Variants in GOLGA7B observed in about 807,000 individuals in gnomAD.
GOLGA7B encodes golgin subfamily A member 7B.
In GOLGA7B, 17 loss-of-function variants were observed where a neutral mutation model predicts 21.5. The observed-to-expected ratio is 0.79, with a 90% CI of 0.54 to 1.19. The LOEUF is 1.19. Among genes scored for constraint, GOLGA7B ranks in the 50% most tolerant of loss-of-function variants. GOLGA7B has a pLI of 0.00. For synonymous variants in GOLGA7B, 87 were observed against 84.0 expected (o/e 1.04, Z -0.19); for missense variants, 169 against 224.4 (o/e 0.75, Z 1.58).
intron 1 of GOLGA7B, 61 bp downstream of exon 1, chr10:97,850,376 G>A: frequency 9.6e-6 from 14 of 1,457,710 alleles, no homozygotes; most frequent in Non-Finnish European, 1.3e-5. Flanking sequence ...AATGCCCTAG[G>A]GGTGGGCTGG....
At chr10:97,859,239 ATC>A (rs2049955348) in intron 1 of GOLGA7B, among the ~76,000 whole-genome samples, 1 of 152,140 alleles carries the variant, frequency 6.6e-6, no homozygotes, top group Non-Finnish European at 1.5e-5. Context: ...CTTTTAAAAG[ATC>A]TCTCTGGGAT....
Position 97,869,741 on chromosome 10 carries a change from A to G in GOLGA7B, c.*4041A>G, listed in dbSNP as rs1168364224. On this transcript the variant is annotated 3_prime_UTR_variant, in exon 5 of 5. Transcript: ENST00000370602. Reference sequence around the variant, plus strand: ...CCGGTTGGCAGCCACTGCCACCCGCAGGGACTTTTCTGTGGCTTCCAGAGG... The same window carrying G: ...CCGGTTGGCAGCCACTGCCACCCGCGGGGACTTTTCTGTGGCTTCCAGAGG... The G allele has an allele frequency of 6.6e-6, 1 of 152,310 alleles. No individual in the cohort carries two copies. Among genetic ancestry groups the G allele is most frequent in the African/African-American group, 2.4e-5 (1 of 41,468 alleles). The allele number at this position is 152,310 out of a possible 1,614,324, so 9.4% of individuals were successfully genotyped here.
Position 97,859,309 on chromosome 10 carries a change from G to A in GOLGA7B, c.13-149G>A, listed in dbSNP as rs116185494. 80 of 705,116 alleles carry A rather than the reference G, an allele frequency of 1.1e-4. No homozygotes were observed. In the African/African-American group the frequency reaches 1.4e-3, roughly 12 times the overall value. 43.7% of individuals were successfully genotyped at this position (705,116 alleles called of 1,614,324 possible). On this transcript the variant is annotated intron_variant, in intron 1 of 4. Transcript: ENST00000370602. ...GCCCTGCCTCCCTTGGCCTCTTGGA[G>A]CACCTGTAGAGTGCCCAGCTTGTCT...
rs1048452043 is a variant in GOLGA7B, at chr10:97,865,582, G to C, written c.394-8G>C. ...GGGCTCGCAGCTCTCCTTAACCACC[G>C]ACCCCAGATTGAGATCTCCATCTAC... On this transcript the variant is annotated splice_polypyrimidine_tract_variant and splice_region_variant and intron_variant, in intron 4 of 4. Coordinates refer to ENST00000370602, the MANE Select transcript of GOLGA7B (RefSeq NM_001010917.3). 2 of 1,612,556 alleles carry C rather than the reference G, an allele frequency of 1.2e-6. No individual in the cohort carries two copies. Among genetic ancestry groups the C allele is most frequent in the African/African-American group, 2.7e-5 (2 of 74,890 alleles).
rs141452467 is a variant in GOLGA7B at position 97,863,011 on chromosome 10, G to C, written c.139-919G>C. On this transcript the variant is annotated intron_variant, in intron 2 of 4. Coordinates refer to ENST00000370602, the MANE Select transcript of GOLGA7B (RefSeq NM_001010917.3). ...GGGTAGCAGGGTCGGGCCATGGAGG[G>C]CCTAGCGGGCATTGTAAGGACTTCT... 1.5e-3 allele frequency among the ~76,000 whole-genome samples: 230 copies of C among 152,342 alleles called. 3 individuals carry two copies. The East Asian group carries it at 0.026, about 17-fold the overall frequency.
intron 1 of GOLGA7B, 67 bp downstream of exon 1, chr10:97,850,382 G>C: frequency 7.0e-7 from 1 of 1,427,938 alleles, no homozygotes; most frequent in South Asian, 1.3e-5. Flanking sequence ...CTAGGGGTGG[G>C]CTGGGCAGGA....
rs560100391 is a variant in GOLGA7B at position 97,867,773 on chromosome 10, G to A, written c.*2073G>A. The A allele has an allele frequency of 1.2e-4, 18 of 151,176 alleles. No homozygotes were observed. The highest frequency in any genetic ancestry group is 2.0e-4 in the East Asian group (1 of 5,120). 9.4% of individuals were successfully genotyped at this position (151,176 alleles called of 1,614,324 possible). Reference sequence around the variant, plus strand: ...AGCTCTGTGATGCTTTCTCTGCCCCGTGACGATGGAGGGTCAGTTCTATGC... The same window carrying A: ...AGCTCTGTGATGCTTTCTCTGCCCCATGACGATGGAGGGTCAGTTCTATGC... On this transcript the variant is annotated 3_prime_UTR_variant, in exon 5 of 5. Coordinates refer to ENST00000370602, the MANE Select transcript of GOLGA7B (RefSeq NM_001010917.3).
At chr10:97,856,113 T>C (rs980025486) in intron 1 of GOLGA7B, among the ~76,000 whole-genome samples, 2 of 152,244 alleles carry the variant, frequency 1.3e-5, no homozygotes, top group African/African-American at 4.8e-5. Flanking sequence ...AGGGAGTACA[T>C]GTGCATGTTT....
chr10:97,859,369 G>A (rs1258094306), intron 1 of GOLGA7B, 89 bp from the exon 2 acceptor site: 1 of 1,345,044 alleles, frequency 7.4e-7, no homozygotes. Context: ...GTTAGTGCTG[G>A]AAGACCTGCA....
intron 4 of GOLGA7B, among the ~76,000 whole-genome samples, 163 bp downstream of exon 4, chr10:97,864,432 T>C (rs1173610088): frequency 6.6e-6 from 1 of 152,208 alleles, no homozygotes; most frequent in Non-Finnish European, 1.5e-5. Context: ...CCCTAAGTTA[T>C]TGGAGGCTTT....
In GOLGA7B at chr10:97,869,845, C is replaced by T. The variant is rs1453621523; in HGVS notation, c.*4145C>T. On this transcript the variant is annotated 3_prime_UTR_variant, in exon 5 of 5. Coordinates refer to ENST00000370602, the MANE Select transcript of GOLGA7B (RefSeq NM_001010917.3). ...TGTCGAGCCTGGGAAACTCCACATC[C>T]CTCTCCACACCTCTAGAAGGACTCA... 1 of 152,260 alleles carries T rather than the reference C, an allele frequency of 6.6e-6. No homozygotes were observed. The highest frequency in any genetic ancestry group is 2.4e-5 in the African/African-American group (1 of 41,440). 9.4% of individuals were successfully genotyped at this position (152,260 alleles called of 1,614,324 possible).
intron 1 of GOLGA7B, among the ~76,000 whole-genome samples, chr10:97,853,032 G>A (rs565525037): frequency 6.6e-6 from 1 of 152,200 alleles, no homozygotes; most frequent in African/African-American, 2.4e-5. Context: ...GTGGGGTTTG[G>A]TCTCTAAGAG....
rs988603497 is a variant in GOLGA7B at position 97,871,078 on chromosome 10, G to A, written c.*5378G>A. 3.3e-5 allele frequency: 5 copies of A among 152,174 alleles called. No homozygotes were observed. Among genetic ancestry groups the A allele is most frequent in the East Asian group, 1.9e-4 (1 of 5,198 alleles). 9.4% of individuals were successfully genotyped at this position (152,174 alleles called of 1,614,324 possible). A position where few individuals can be genotyped will look rare whatever the true frequency, so the allele number is the denominator to read the frequency against. On this transcript the variant is annotated 3_prime_UTR_variant, in exon 5 of 5. Coordinates refer to ENST00000370602, the MANE Select transcript of GOLGA7B (RefSeq NM_001010917.3). ...TCCTTCCTTTCAGAGCCCAGCCTTC[G>A]GAGGTTTCCGCATGAGCCTTCTCGG...
At chr10:97,861,852 A>G (rs2049972933) in intron 2 of GOLGA7B, among the ~76,000 whole-genome samples, 1 of 152,188 alleles carries the variant, frequency 6.6e-6, no homozygotes, top group Non-Finnish European at 1.5e-5. Flanking sequence ...GGCTTGTGGC[A>G]TGGACTAGAT....
At chr10:97,857,404 C>T (rs1273877931) in intron 1 of GOLGA7B, among the ~76,000 whole-genome samples, 1 of 145,718 alleles carries the variant, frequency 6.9e-6, no homozygotes, top group Admixed American at 7.1e-5. Context: ...CACACACACA[C>T]ATTTAACCAA....
At chr10:97,865,424 A>G (rs1590164720) in intron 4 of GOLGA7B, 166 bp from the exon 5 acceptor site, 26 of 1,184,532 alleles carry the variant, frequency 2.2e-5, no homozygotes, top group Non-Finnish European at 2.9e-5. Context: ...AGTAATGTGC[A>G]TGGATGGGCT....
At position 97,856,057 on chromosome 10, in the gene GOLGA7B, T is replaced by G. The variant is rs571602846; in HGVS notation, c.13-3401T>G. Reference sequence around the variant, plus strand: ...TAACCTTTCCTAGTTATTTATTATTTCCCAAGATTTTTGTTTGTTTTTAAA... The same window carrying G: ...TAACCTTTCCTAGTTATTTATTATTGCCCAAGATTTTTGTTTGTTTTTAAA... On this transcript the variant is annotated intron_variant, in intron 1 of 4. Coordinates refer to ENST00000370602, the MANE Select transcript of GOLGA7B (RefSeq NM_001010917.3). Among the ~76,000 whole-genome samples the G allele has an allele frequency of 5.2e-4, 79 of 152,366 alleles. 1 individual carries two copies. Among genetic ancestry groups the G allele is most frequent in the African/African-American group, 1.9e-3 (78 of 41,586 alleles).
At chr10:97,853,904 A>T (rs189127160) in intron 1 of GOLGA7B, among the ~76,000 whole-genome samples, 1 of 152,312 alleles carries the variant, frequency 6.6e-6, no homozygotes, top group Non-Finnish European at 1.5e-5. Flanking sequence ...CTTTATTTAG[A>T]GGTCTTAAAC....
intron 2 of GOLGA7B, among the ~76,000 whole-genome samples, chr10:97,861,101 T>G (rs1436309126): frequency 6.6e-6 from 1 of 152,262 alleles, no homozygotes; most frequent in Non-Finnish European, 1.5e-5. Context: ...CCTCCCTGGA[T>G]CTGCTGAATC....
Sources: allele counts gnomAD v4.1 joint callset (sites outside exome capture counted in the v4.1 genomes callset), GRCh38; gene constraint gnomAD v4.1.1; transcripts MANE v1.5; gene names NCBI Gene and HGNC (gene_info 2026-07-23, HGNC 2026-07-21).